Variants in XIAP observed in about 807,000 individuals in gnomAD.
The protein encoded by XIAP is E3 ubiquitin-protein ligase XIAP.
A neutral mutation model predicts 33.1 loss-of-function variants in XIAP; 3 were observed. The observed-to-expected ratio is 0.09, with a 90% confidence interval of 0.04 to 0.23. XIAP has a LOEUF of 0.23. Among genes scored for constraint, XIAP ranks in the 10% least tolerant of loss-of-function variants. The pLI is 1.00. For synonymous variants in XIAP, 98 were observed against 121.3 expected, an observed-to-expected ratio of 0.81 and a Z score of 1.26; for missense variants, 264 against 363.0, an observed-to-expected ratio of 0.73 and a Z score of 2.22.
In XIAP at chrX:123,912,149, A is replaced by G. The variant is rs769381518; in HGVS notation, c.*4968A>G. The G allele has an allele frequency of 1.9e-5, 6 of 320,343 alleles. No individual in the cohort carries two copies. In the East Asian group the frequency reaches 3.0e-4, roughly 16 times the overall value. The allele number at this position is 320,343 out of a possible 1,213,427, so 26.4% of individuals were successfully genotyped here. On this transcript the variant is annotated 3_prime_UTR_variant, in exon 7 of 7. Transcript: ENST00000371199. ...ATAGGACAATCATCAATGCATATAT[A>G]GCCAGCCCTTCATATCTGTGGGTTT...
chrX:123,903,938 G>C (rs2053537845), intron 6 of XIAP, among the ~76,000 whole-genome samples: 1 of 109,517 alleles, frequency 9.1e-6, no homozygotes, highest in South Asian at 3.9e-4. Flanking sequence ...GGGATACAGA[G>C]CAAGACCCTA....
chrX:123,868,678 G>A (rs192453802), intron 1 of XIAP, among the ~76,000 whole-genome samples: 3 of 111,852 alleles, frequency 2.7e-5, no homozygotes, highest in East Asian at 2.8e-4. Flanking sequence ...GTTGCAGTGA[G>A]TCAAGATCAG....
intron 5 of XIAP, among the ~76,000 whole-genome samples, chrX:123,897,622 G>A (rs181892439): frequency 4.8e-4 from 53 of 110,946 alleles, no homozygotes; most frequent in Non-Finnish European, 6.4e-4. Context: ...GAGTGCAGTA[G>A]TGCGATCTTG....
rs906431319 is a variant in XIAP at position 123,886,359 on chromosome X, C to T, written c.697C>T (p.Arg233Trp). The change falls in exon 2 of 7, where the codon CGG becomes TGG. Residue 233 changes from arginine (R) to tryptophan (W), a missense_variant. By Grantham distance (101) the Arg-to-Trp change is moderately radical (BLOSUM62 -3). Coordinates refer to ENST00000371199, the MANE Select transcript of XIAP (RefSeq NM_001167.4). ...HFPNCFFVLG[R>W]NLNIRSESDA... ...TCCTAATTGCTTCTTTGTTTTGGGC[C>T]GGAATCTTAATATTCGAAGTGAATC... 2.5e-6 allele frequency: 3 copies of T among 1,211,600 alleles called. No homozygotes were observed. The highest frequency in any genetic ancestry group is 2.2e-5 in the Admixed American group (1 of 45,924).
At chrX:123,900,163 T>C (rs187939018) in intron 5 of XIAP, among the ~76,000 whole-genome samples, 82 of 112,174 alleles carry the variant, frequency 7.3e-4, no homozygotes, top group African/African-American at 2.6e-3. Context: ...TAACTTAGGT[T>C]AATTGTTAAT....
intron 1 of XIAP, among the ~76,000 whole-genome samples, chrX:123,862,088 T>A (rs1460764930): frequency 9.0e-6 from 1 of 110,822 alleles, no homozygotes; most frequent in Non-Finnish European, 1.9e-5. Flanking sequence ...TAATTAATTT[T>A]TTTTTTTGAG....
chrX:123,889,907 C>T (rs1333574576), intron 3 of XIAP, among the ~76,000 whole-genome samples: 1 of 108,969 alleles, frequency 9.2e-6, no homozygotes, highest in East Asian at 2.9e-4. Context: ...GCGTGAGAGC[C>T]CATATTGCCA....
chrX:123,879,722 C>T (rs1259904345), intron 1 of XIAP, among the ~76,000 whole-genome samples: 1 of 111,888 alleles, frequency 8.9e-6, no homozygotes, highest in Non-Finnish European at 1.9e-5. Context: ...TATTACTTTC[C>T]GAGTCTTGTC....
intron 1 of XIAP, among the ~76,000 whole-genome samples, chrX:123,867,966 G>T (rs1015692595): frequency 1.8e-5 from 2 of 111,568 alleles, no homozygotes; most frequent in African/African-American, 6.5e-5. Flanking sequence ...ATGAGCCACT[G>T]CGCCCAGCCT....
chrX:123,873,162 A>G (rs748755516), intron 1 of XIAP, among the ~76,000 whole-genome samples: 6 of 108,403 alleles, frequency 5.5e-5, no homozygotes, highest in Middle Eastern at 4.7e-3. Context: ...CTTCCTGAGT[A>G]GCTGGGATTA....
At chrX:123,898,101 C>T (rs769521149) in intron 5 of XIAP, among the ~76,000 whole-genome samples, 1 of 111,940 alleles carries the variant, frequency 8.9e-6, no homozygotes, top group South Asian at 3.7e-4. Context: ...GTTAATAGTA[C>T]CACAGTTCAC....
chrX:123,894,333 CA>C (rs2053438625), intron 5 of XIAP, among the ~76,000 whole-genome samples: 1 of 112,765 alleles, frequency 8.9e-6, no homozygotes, highest in African/African-American at 3.2e-5. Flanking sequence ...GGACCACAAG[CA>C]AGGTCTTCTG....
intron 5 of XIAP, among the ~76,000 whole-genome samples, chrX:123,898,027 C>G (rs769862828): frequency 8.9e-6 from 1 of 112,161 alleles, no homozygotes; most frequent in African/African-American, 3.2e-5. Flanking sequence ...ACATTTCCAC[C>G]TAGAATGCAT....
Position 123,908,649 on chromosome X carries a change from A to G in XIAP, c.*1468A>G, listed in dbSNP as rs372548946. The G allele has an allele frequency of 1.5e-4, 55 of 357,658 alleles. No homozygotes were observed. The highest frequency in any genetic ancestry group is 1.2e-3 in the East Asian group (19 of 15,623). The allele number at this position is 357,658 out of a possible 1,213,427, so 29.5% of individuals were successfully genotyped here. A position where few individuals can be genotyped will look rare whatever the true frequency, so the allele number is the denominator to read the frequency against. The stretch of plus-strand genomic sequence containing the variant: ...CCTACATTTGTTTTCTTGGCTAGTA[A>G]TAGTAGTAGATACTTCTGAAATAAA... On this transcript the variant is annotated 3_prime_UTR_variant, in exon 7 of 7. Coordinates refer to ENST00000371199, the MANE Select transcript of XIAP (RefSeq NM_001167.4).
chrX:123,865,867 G>A (rs1468005881), intron 1 of XIAP, among the ~76,000 whole-genome samples: 12 of 110,982 alleles, frequency 1.1e-4, no homozygotes, highest in Non-Finnish European at 2.1e-4. Context: ...TAATTCTGGT[G>A]ACTCAGCCTC....
At chrX:123,884,882 T>C (rs1326063083) in intron 1 of XIAP, among the ~76,000 whole-genome samples, 1 of 110,075 alleles carries the variant, frequency 9.1e-6, no homozygotes, top group Non-Finnish European at 1.9e-5. Flanking sequence ...TTTGAACAGA[T>C]TGTTACTTGA....
intron 1 of XIAP, among the ~76,000 whole-genome samples, chrX:123,880,038 C>T (rs1025282000): frequency 1.3e-4 from 14 of 110,399 alleles, no homozygotes; most frequent in Admixed American, 3.9e-4. Flanking sequence ...CCCTTGAACC[C>T]GGGAGGCGGA....
At chrX:123,878,181 A>G (rs930295000) in intron 1 of XIAP, among the ~76,000 whole-genome samples, 37 of 111,591 alleles carry the variant, frequency 3.3e-4, no homozygotes, top group African/African-American at 1.2e-3. Flanking sequence ...ATCACCTCTG[A>G]TCCACCAAAG....
rs911261667 is a variant in XIAP, at chrX:123,888,004, T to TAATAAATA, written c.878-587_878-580dup. On this transcript the variant is annotated intron_variant, in intron 2 of 6. Transcript: ENST00000371199. Reference sequence around the variant, plus strand: ...CATCTCAGAAAAAAATAATAATAATTAATAAATAAATAAATAAATAAATAA... The same window carrying TAATAAATA: ...CATCTCAGAAAAAAATAATAATAATTAATAAATAAATAAATAAATAAATAAATAAATAA... Among the ~76,000 whole-genome samples the TAATAAATA allele has an allele frequency of 5.2e-3, 348 of 66,513 alleles. 3 individuals are homozygous for TAATAAATA. The highest frequency in any genetic ancestry group is 0.016 in the African/African-American group (314 of 19,199). The allele number at this position is 66,513 out of a possible 115,157, so 57.8% of individuals were successfully genotyped here.
Sources: allele counts gnomAD v4.1 joint callset (sites outside exome capture counted in the v4.1 genomes callset), GRCh38; gene constraint gnomAD v4.1.1; transcripts MANE v1.5; gene names NCBI Gene and HGNC (gene_info 2026-07-23, HGNC 2026-07-21).